The following FIG4 variants were observed in gnomAD, a reference collection of about 807,000 sequenced individuals.
FIG4 encodes FIG4 phosphoinositide 5-phosphatase.
Under a neutral mutation model 118.6 loss-of-function variants are expected in FIG4, and 112 were observed. The observed-to-expected ratio is 0.94, with a 90% CI of 0.81 to 1.11. FIG4 has a LOEUF of 1.11. Ranked by LOEUF, FIG4 falls within the 50% of genes least tolerant of loss-of-function variation. FIG4 has a pLI of 0.00. For missense variants in FIG4, 969 were observed against 1,111.7 expected (o/e 0.87, Z 1.83); for synonymous variants, 369 against 381.2 (o/e 0.97, Z 0.37).
chr6:109,718,426 A>G (rs1208077741), intron 3 of FIG4, among the ~76,000 whole-genome samples: 1 of 152,164 alleles, frequency 6.6e-6, no homozygotes, highest in Non-Finnish European at 1.5e-5. Context: ...TGTTTTTCAG[A>G]TTCTTATTTT....
intron 16 of FIG4, among the ~76,000 whole-genome samples, chr6:109,778,140 G>A (rs1777673953): frequency 6.6e-6 from 1 of 152,050 alleles, no homozygotes; most frequent in African/African-American, 2.4e-5. Flanking sequence ...TACAGCATCA[G>A]TTTGATAGAG....
intron 10 of FIG4, among the ~76,000 whole-genome samples, chr6:109,752,918 C>T (rs1480599416): frequency 6.6e-6 from 1 of 152,062 alleles, no homozygotes; most frequent in Non-Finnish European, 1.5e-5. Context: ...CTTGCCCATG[C>T]CTATGTCCTG....
chr6:109,806,724 A>G (rs970297235), intron 22 of FIG4, among the ~76,000 whole-genome samples: 4 of 151,876 alleles, frequency 2.6e-5, no homozygotes, highest in African/African-American at 9.7e-5. Context: ...TGCTGCACCC[A>G]TCAACCCATC....
intron 15 of FIG4, among the ~76,000 whole-genome samples, chr6:109,772,926 G>A (rs969504346): frequency 6.6e-6 from 1 of 152,194 alleles, no homozygotes; most frequent in Admixed American, 6.5e-5. Context: ...GTCACATGAC[G>A]TTAAAATGAA....
At chr6:109,795,046 A>G (rs1171147240) in intron 21 of FIG4, among the ~76,000 whole-genome samples, 1 of 145,662 alleles carries the variant, frequency 6.9e-6, no homozygotes, top group Non-Finnish European at 1.5e-5. Context: ...CTATTTTACC[A>G]GACCTGAAAG....
intron 22 of FIG4, among the ~76,000 whole-genome samples, chr6:109,810,605 T>C (rs1778693142): frequency 6.6e-6 from 1 of 152,204 alleles, no homozygotes; most frequent in Admixed American, 6.5e-5. Context: ...ACATTCTTCC[T>C]CCTGTGCTGC....
chr6:109,715,765 A>G (rs532565399), intron 2 of FIG4, among the ~76,000 whole-genome samples: 2 of 152,258 alleles, frequency 1.3e-5, no homozygotes, highest in East Asian at 3.9e-4. Flanking sequence ...GTTAAGTTTA[A>G]CTGTTCACAC....
chr6:109,760,073 A>G (rs1777055021), intron 10 of FIG4, among the ~76,000 whole-genome samples, 177 bp from the exon 11 acceptor site: 1 of 152,176 alleles, frequency 6.6e-6, no homozygotes, highest in Non-Finnish European at 1.5e-5. Context: ...CTTTAATACA[A>G]TGGAGCATTT....
intron 2 of FIG4, 62 bp from the exon 3 acceptor site, chr6:109,716,383 A>G: frequency 3.2e-6 from 5 of 1,584,120 alleles, no homozygotes. Flanking sequence ...ACTTTCAGGC[A>G]CAAATAATAA....
chr6:109,741,650 A>G (rs965018962), intron 8 of FIG4, 106 bp downstream of exon 8: 39 of 813,934 alleles, frequency 4.8e-5, no homozygotes, highest in Non-Finnish European at 6.9e-5. Context: ...TTAGTTTGGG[A>G]TATTATCAAG....
intron 22 of FIG4, among the ~76,000 whole-genome samples, chr6:109,823,719 G>T (rs2128402425): frequency 6.6e-6 from 1 of 152,246 alleles, no homozygotes; most frequent in East Asian, 1.9e-4. Context: ...CAGCTAACCA[G>T]TTTGGCATCC....
At chr6:109,805,132 T>C (rs1005164899) in intron 22 of FIG4, among the ~76,000 whole-genome samples, 3 of 152,320 alleles carry the variant, frequency 2.0e-5, no homozygotes, top group Middle Eastern at 3.4e-3. Flanking sequence ...TCCCTTGATA[T>C]TCCCAACTGA....
chr6:109,783,140 C>G (rs1323798719), intron 16 of FIG4, among the ~76,000 whole-genome samples: 1 of 152,298 alleles, frequency 6.6e-6, no homozygotes, highest in Non-Finnish European at 1.5e-5. Context: ...GGGAGAGCAT[C>G]AGTATGAATA....
At chr6:109,770,829 C>T (rs1054807012) in intron 15 of FIG4, among the ~76,000 whole-genome samples, 13 of 152,158 alleles carry the variant, frequency 8.5e-5, no homozygotes, top group Non-Finnish European at 1.2e-4. Context: ...CACCAGAGTT[C>T]GGCAGAGACA....
At chr6:109,762,587 C>A (rs1777145600) in intron 12 of FIG4, among the ~76,000 whole-genome samples, 1 of 149,532 alleles carries the variant, frequency 6.7e-6, no homozygotes, top group African/African-American at 2.5e-5. Flanking sequence ...GCTCACAAAT[C>A]TTTTATTACT....
intron 1 of FIG4, among the ~76,000 whole-genome samples, chr6:109,697,531 T>C (rs1774767119): frequency 6.6e-6 from 1 of 152,212 alleles, no homozygotes; most frequent in South Asian, 2.1e-4. Flanking sequence ...TCTGTCCTTA[T>C]AATGTGGTAG....
chr6:109,704,618 G>A (rs905225564), intron 1 of FIG4, among the ~76,000 whole-genome samples: 2 of 150,174 alleles, frequency 1.3e-5, no homozygotes, highest in Non-Finnish European at 3.0e-5. Context: ...AGAGGTTCTG[G>A]TGAGCCAAGA....
intron 22 of FIG4, among the ~76,000 whole-genome samples, chr6:109,813,954 C>G (rs1278799331): frequency 1.3e-5 from 2 of 152,176 alleles, no homozygotes; most frequent in Non-Finnish European, 2.9e-5. Context: ...TGACTGCAAC[C>G]TCCTGGGACA....
chr6:109,730,171 C>A (rs1227418486), intron 4 of FIG4, among the ~76,000 whole-genome samples: 6 of 152,082 alleles, frequency 3.9e-5, no homozygotes, highest in Non-Finnish European at 8.8e-5. Flanking sequence ...ACCTCAGCCT[C>A]CCCAGTAGCT....
Sources: gnomAD v4.1 joint callset for allele counts (sites outside exome capture counted in the v4.1 genomes callset) on GRCh38, gnomAD v4.1.1 for gene constraint, MANE v1.5 for transcripts, NCBI Gene and HGNC (gene_info 2026-07-23, HGNC 2026-07-21) for gene names.